CNIH3: variants seen among roughly 807,000 people sequenced by gnomAD.
CNIH3 encodes cornichon family AMPA receptor auxiliary protein 3, also known as protein cornichon homolog 3.
A neutral mutation model predicts 24.1 loss-of-function variants in CNIH3; 14 were observed. The observed-to-expected ratio is 0.58, with a 90% CI of 0.38 to 0.91. CNIH3 has a LOEUF of 0.91. Among genes scored for constraint, CNIH3 ranks in the 40% least tolerant of loss-of-function variants. The probability of loss-of-function intolerance (pLI) is 0.00; values close to 1 mark genes in which losing one functional copy is unlikely to be tolerated. For missense variants in CNIH3, 178 were observed against 196.8 expected (o/e 0.90, Z 0.57); for synonymous variants, 68 against 73.8 (o/e 0.92, Z 0.40).
intron 3 of CNIH3, among the ~76,000 whole-genome samples, chr1:224,610,512 C>T (rs963870900): frequency 3.3e-5 from 5 of 152,178 alleles, no homozygotes; most frequent in Non-Finnish European, 5.9e-5. Flanking sequence ...CCTTGCTTCC[C>T]CGTTGCCTTC....
intron 5 of CNIH3, 119 bp from the exon 6 acceptor site, chr1:224,739,210 G>A (rs1689746765): frequency 6.7e-7 from 1 of 1,497,110 alleles, no homozygotes; most frequent in Non-Finnish European, 8.9e-7. Context: ...GAATGAGGGA[G>A]AAGCCAAGGG....
downstream of CNIH3, among the ~76,000 whole-genome samples, chr1:224,592,812 C>T (rs183560737): frequency 3.3e-5 from 5 of 152,228 alleles, no homozygotes; most frequent in East Asian, 1.9e-4. Flanking sequence ...GGACGATTCC[C>T]CTGACAGACA....
downstream of CNIH3, among the ~76,000 whole-genome samples, chr1:224,591,632 C>T (rs373335640): frequency 1.3e-3 from 199 of 152,182 alleles, 1 homozygote; most frequent in African/African-American, 4.4e-3. Flanking sequence ...GATACTATGC[C>T]GTAAAACAGC....
Position 224,491,698 on chromosome 1 carries a change from C to T in CNIH3, n.204-24043C>T, listed in dbSNP as rs578067309. On this transcript the variant is annotated intron_variant and non_coding_transcript_variant, in intron 1 of 5. Transcript: ENST00000471578. ...TCAGCTCACTGCAACCTCTGCCTCC[C>T]GGGTTCAAGCAATTCTCCTGCCTCA... is the stretch of plus-strand genomic sequence containing the variant. Among the ~76,000 whole-genome samples the T allele has an allele frequency of 3.7e-3, 562 of 152,140 alleles. 4 individuals are homozygous for T. The highest frequency in any genetic ancestry group is 0.013 in the African/African-American group (520 of 41,514).
chr1:224,584,664 T>C (rs535044387), intron 5 of CNIH3, among the ~76,000 whole-genome samples: 1 of 152,384 alleles, frequency 6.6e-6, no homozygotes, highest in African/African-American at 2.4e-5. Context: ...TTTTTCTGGC[T>C]GCATGATTCA....
At chr1:224,710,733 C>T (rs1269799094) in intron 3 of CNIH3, among the ~76,000 whole-genome samples, 2 of 152,204 alleles carry the variant, frequency 1.3e-5, no homozygotes, top group Non-Finnish European at 2.9e-5. Flanking sequence ...TTGAGATCCT[C>T]ATGCCATTAC....
At chr1:224,565,991 C>T (rs1486666948) in intron 3 of CNIH3, among the ~76,000 whole-genome samples, 2 of 151,486 alleles carry the variant, frequency 1.3e-5, no homozygotes. Flanking sequence ...GCTGAATCTT[C>T]TGGAGCACCA....
intron 1 of CNIH3, among the ~76,000 whole-genome samples, chr1:224,667,301 A>C (rs1036291168): frequency 6.6e-6 from 1 of 152,214 alleles, no homozygotes; most frequent in Non-Finnish European, 1.5e-5. Flanking sequence ...AGAAAGTAAA[A>C]AATATGAGGC....
chr1:224,702,909 G>A (rs1358460424), intron 3 of CNIH3, among the ~76,000 whole-genome samples: 1 of 152,176 alleles, frequency 6.6e-6, no homozygotes, highest in Non-Finnish European at 1.5e-5. Context: ...ACTTCGCTGA[G>A]ATAGTATCCT....
chr1:224,648,609 T>G (rs1000016082), intron 1 of CNIH3, among the ~76,000 whole-genome samples: 1 of 152,112 alleles, frequency 6.6e-6, no homozygotes, highest in Non-Finnish European at 1.5e-5. Flanking sequence ...TGTTTGGGCT[T>G]GGGGAGTTTG....
chr1:224,668,685 A>C (rs1372194000), intron 1 of CNIH3, among the ~76,000 whole-genome samples: 1 of 152,192 alleles, frequency 6.6e-6, no homozygotes, highest in Non-Finnish European at 1.5e-5. Context: ...GGGAGGCTGA[A>C]AACAAGGATC....
chr1:224,572,002 G>A (rs952945032), intron 4 of CNIH3, among the ~76,000 whole-genome samples: 2 of 152,170 alleles, frequency 1.3e-5, no homozygotes, highest in African/African-American at 4.8e-5. Flanking sequence ...AATGTAAGAC[G>A]TGGGGGTTAG....
Position 224,739,575 on chromosome 1 carries a change from A to G in CNIH3, c.*219A>G. On this transcript the variant is annotated 3_prime_UTR_variant, in exon 6 of 6. Transcript: ENST00000272133. Reference sequence around the variant, plus strand: ...CCTGTTTGTCAATCTTTGGCATTCGAATTCCACACACGGGGTCCTAGAGCC... The same window carrying G: ...CCTGTTTGTCAATCTTTGGCATTCGGATTCCACACACGGGGTCCTAGAGCC... The G allele has an allele frequency of 1.2e-6, 1 of 812,242 alleles. No individual in the cohort carries two copies. Among genetic ancestry groups the G allele is most frequent in the Non-Finnish European group, 1.9e-6 (1 of 527,252 alleles). 50.3% of individuals were successfully genotyped at this position (812,242 alleles called of 1,614,324 possible).
chr1:224,689,782 A>G (rs1196437516), intron 3 of CNIH3, among the ~76,000 whole-genome samples: 2 of 152,202 alleles, frequency 1.3e-5, no homozygotes, highest in Non-Finnish European at 2.9e-5. Context: ...CTCTATAATT[A>G]TCAGAAAATG....
chr1:224,498,199 T>C (rs1356289442), intron 1 of CNIH3, among the ~76,000 whole-genome samples: 1 of 152,164 alleles, frequency 6.6e-6, no homozygotes, highest in Non-Finnish European at 1.5e-5. Flanking sequence ...TGCAATGCCA[T>C]CTGGAAGAGA....
chr1:224,523,410 GC>G (rs1678721128), intron 2 of CNIH3, among the ~76,000 whole-genome samples: 2 of 152,148 alleles, frequency 1.3e-5, no homozygotes, highest in Non-Finnish European at 2.9e-5. Context: ...AAATAATCTT[GC>G]AGATATAATT....
At chr1:224,723,267 C>G (rs1440831912) in intron 3 of CNIH3, among the ~76,000 whole-genome samples, 4 of 152,174 alleles carry the variant, frequency 2.6e-5, no homozygotes, top group Non-Finnish European at 4.4e-5. Flanking sequence ...ACAGGGGCCT[C>G]TGGGCCATCA....
intron 4 of CNIH3, among the ~76,000 whole-genome samples, chr1:224,733,327 A>G (rs1000946445): frequency 1.3e-5 from 2 of 152,238 alleles, no homozygotes; most frequent in African/African-American, 2.4e-5. Context: ...ACGGAGCCAC[A>G]TGGCCACCCT....
At chr1:224,700,881 C>T (rs1250022563) in intron 3 of CNIH3, among the ~76,000 whole-genome samples, 2 of 152,224 alleles carry the variant, frequency 1.3e-5, no homozygotes, top group Non-Finnish European at 2.9e-5. Context: ...AGAGTCAGGA[C>T]AAAATCCACA....
Sources: gnomAD v4.1 joint callset for allele counts (sites outside exome capture counted in the v4.1 genomes callset) on GRCh38, gnomAD v4.1.1 for gene constraint, MANE v1.5 for transcripts, NCBI Gene and HGNC (gene_info 2026-07-23, HGNC 2026-07-21) for gene names.